ARHGEF39: variants seen among roughly 807,000 people sequenced by gnomAD.
The protein encoded by ARHGEF39 is Rho guanine nucleotide exchange factor (GEF) 39.
A neutral mutation model predicts 47.5 loss-of-function variants in ARHGEF39; 45 were observed. The ratio of observed to expected loss-of-function variants is 0.95; its 90% CI spans 0.75 to 1.22. The LOEUF is 1.22. Among genes scored for constraint, ARHGEF39 ranks in the 50% most tolerant of loss-of-function variants. The pLI, the probability that ARHGEF39 is intolerant of heterozygous loss-of-function variation, is 0.00. For missense variants in ARHGEF39, 411 were observed against 425.3 expected, an observed-to-expected ratio of 0.97 and a Z score of 0.30; for synonymous variants, 164 against 167.8, an observed-to-expected ratio of 0.98 and a Z score of 0.17.
chr9:35,662,746 G>A lies in ARHGEF39; in HGVS notation c.674-5C>T. 1 of 1,554,288 alleles carries A rather than the reference G, an allele frequency of 6.4e-7. No individual in the cohort carries two copies. The highest frequency in any genetic ancestry group is 8.7e-7 in the Non-Finnish European group (1 of 1,148,798). ...CCTGGCGTAGGAACCAGCGCCCTGG[G>A]GGATGGGAGCGCTGTTATTCTGGTG... On this transcript the variant is annotated splice_region_variant and splice_polypyrimidine_tract_variant and intron_variant, in intron 6 of 8. Transcript: ENST00000378387.
At chr9:35,663,278 G>C (rs200105093) in intron 5 of ARHGEF39, 44 bp downstream of exon 5, 5 of 1,600,788 alleles carry the variant, frequency 3.1e-6, no homozygotes, top group Non-Finnish European at 4.3e-6. Context: ...AGGAATACAG[G>C]AGAGGAAGCC....
In ARHGEF39 at chr9:35,662,693, C is replaced by G. The variant is rs1483719066; in HGVS notation, c.722G>C (p.Gly241Ala). The change falls in exon 7 of 9, where the codon GGG (glycine) becomes GCG (alanine). Residue 241 changes from glycine (G) to alanine (A), a missense_variant. Physicochemically the swap from Gly to Ala is moderately conservative, Grantham distance 60 (BLOSUM62 0). Transcript: ENST00000378387. ...GAAGAACATGCGGGGCCGAGGCTCC[C>G]CATGGGGAGGCACCACTAACAGCCA... Reference protein sequence around the residue: ...QGWLLVVPPHGEPRPRMFFLF... With the variant: ...QGWLLVVPPHAEPRPRMFFLF... The G allele has an allele frequency of 3.8e-6, 6 of 1,581,444 alleles. No individual in the cohort carries two copies. The South Asian group carries it at 6.8e-5, about 18-fold the overall frequency.
At chr9:35,662,891 A>G (rs1187305275) in intron 6 of ARHGEF39, 55 bp downstream of exon 6, 2 of 1,596,802 alleles carry the variant, frequency 1.3e-6, no homozygotes, top group African/African-American at 2.7e-5. Flanking sequence ...ATTTGGAGTT[A>G]GATAAAAATA....
At position 35,660,843 on chromosome 9, in the gene ARHGEF39, G is replaced by A. The variant is rs764380931; in HGVS notation, c.*1144C>T. On this transcript the variant is annotated 3_prime_UTR_variant, in exon 9 of 9. Coordinates refer to ENST00000378387, the MANE Select transcript of ARHGEF39 (RefSeq NM_032818.3). ...AGATAGCAAGCCGGACAAGGATATGGAGGCTTCAGAACCAGGTGAAGGCTC... is the reference window on the plus strand; with the variant it reads ...AGATAGCAAGCCGGACAAGGATATGAAGGCTTCAGAACCAGGTGAAGGCTC... The A allele has an allele frequency of 8.9e-5, 143 of 1,614,068 alleles. 1 individual carries two copies. In the South Asian group the frequency reaches 1.2e-3, roughly 13 times the overall value.
intron 1 of ARHGEF39, 90 bp from the exon 2 acceptor site, chr9:35,664,940 T>C: frequency 6.5e-7 from 1 of 1,529,680 alleles, no homozygotes; most frequent in Admixed American, 2.0e-5. Context: ...CTGCCCAGGC[T>C]CCCTACATGC....
At chr9:35,662,823 G>T (rs1341515758) in intron 6 of ARHGEF39, 82 bp from the exon 7 acceptor site, 5 of 1,524,662 alleles carry the variant, frequency 3.3e-6, no homozygotes, top group Non-Finnish European at 4.4e-6. Context: ...GAAAATAGGG[G>T]TTATGTGCTG....
intron 6 of ARHGEF39, 80 bp from the exon 7 acceptor site, chr9:35,662,821 G>A: frequency 1.3e-6 from 2 of 1,525,496 alleles, no homozygotes; most frequent in African/African-American, 2.8e-5. Context: ...GAGAAAATAG[G>A]GGTTATGTGC....
intron 4 of ARHGEF39, 46 bp from the exon 5 acceptor site, chr9:35,663,438 G>T: frequency 6.5e-7 from 1 of 1,532,654 alleles, no homozygotes; most frequent in South Asian, 1.1e-5. Flanking sequence ...GAGCCAGGCA[G>T]AATTCCCCCT....
At position 35,661,429 on chromosome 9, in the gene ARHGEF39, G is replaced by C; in HGVS notation, c.*558C>G. 1 of 455,708 alleles carries C rather than the reference G, an allele frequency of 2.2e-6. No individual in the cohort carries two copies. Among genetic ancestry groups the C allele is most frequent in the Non-Finnish European group, 3.8e-6 (1 of 259,788 alleles). 28.2% of individuals were successfully genotyped at this position (455,708 alleles called of 1,614,324 possible). ...TTCTCATAGCAAAACTGAGACAGAA[G>C]GGTCTTTCCCAAAAAAAAGAAAAAA... On this transcript the variant is annotated 3_prime_UTR_variant, in exon 9 of 9. Coordinates refer to ENST00000378387, the MANE Select transcript of ARHGEF39 (RefSeq NM_032818.3).
chr9:35,664,640 CACAGGTGA>C (rs765173721), intron 2 of ARHGEF39, 108 bp downstream of exon 2: 455 of 1,474,122 alleles, frequency 3.1e-4, no homozygotes, highest in Non-Finnish European at 4.3e-5. Context: ...GGGCCAAGGC[CACAGGTGA>C]GCTAACTGGC....
At chr9:35,663,441 T>C (rs920429254) in intron 4 of ARHGEF39, 49 bp from the exon 5 acceptor site, 9 of 1,515,798 alleles carry the variant, frequency 5.9e-6, no homozygotes, top group African/African-American at 2.7e-5. Flanking sequence ...CCAGGCAGAA[T>C]TCCCCCTGCC....
At chr9:35,663,769 C>CCCT (rs1398685949) in intron 4 of ARHGEF39, among the ~76,000 whole-genome samples, 1 of 152,208 alleles carries the variant, frequency 6.6e-6, no homozygotes, top group Non-Finnish European at 1.5e-5. Flanking sequence ...GTGCCTCAGG[C>CCCT]CCTAGTACAG....
chr9:35,662,064 C>G, intron 8 of ARHGEF39, 62 bp from the exon 9 acceptor site: 2 of 1,610,316 alleles, frequency 1.2e-6, no homozygotes, highest in Non-Finnish European at 1.7e-6. Flanking sequence ...ACAAAATCAT[C>G]TGGGGGTTGG....
At chr9:35,662,796 G>C (rs879509173) in intron 6 of ARHGEF39, 55 bp from the exon 7 acceptor site, 3 of 1,521,436 alleles carry the variant, frequency 2.0e-6, no homozygotes, top group Non-Finnish European at 2.7e-6. Context: ...ATGGGAATAA[G>C]AGGAAAGGGA....
In ARHGEF39 at chr9:35,662,855, G is replaced by A. The variant is rs1408245451; in HGVS notation, c.673+91C>T. On this transcript the variant is annotated intron_variant, in intron 6 of 8. Transcript: ENST00000378387. ...GCTGGGTCAGTACAGGAAGAAGGGT[G>A]AGTAAGAAAAGAGCAGCTGGTCGGC... is the stretch of plus-strand genomic sequence containing the variant. 1.9e-6 allele frequency: 3 copies of A among 1,565,258 alleles called. No homozygotes were observed. The East Asian group carries it at 6.9e-5, about 36-fold the overall frequency.
chr9:35,662,310 A>C (rs755282083), intron 7 of ARHGEF39, 43 bp from the exon 8 acceptor site: 1 of 1,578,704 alleles, frequency 6.3e-7, no homozygotes, highest in Non-Finnish European at 8.7e-7. Context: ...AGAAAGGTCC[A>C]GGCTAAAGCT....
Position 35,663,379 on chromosome 9 carries a change from C to A in ARHGEF39, c.487G>T (p.Val163Phe), listed in dbSNP as rs148193246. Residue 163 changes from valine to phenylalanine, a missense_variant, in exon 5 of 9, where the codon GTC becomes TTC. Physicochemically the swap from Val to Phe is conservative, Grantham distance 50 (BLOSUM62 -1). Coordinates refer to ENST00000378387, the MANE Select transcript of ARHGEF39 (RefSeq NM_032818.3). ...LQRLQQYENL[V>F]VALAENTGPN... ...CCTGTGTTTTCAGCCAAAGCTACGA[C>A]GAGATTCTCATACCTGGAATTCAAC... The A allele has an allele frequency of 6.2e-7, 1 of 1,613,534 alleles. No individual in the cohort carries two copies. The highest frequency in any genetic ancestry group is 1.1e-5 in the South Asian group (1 of 91,052).
In ARHGEF39 at chr9:35,660,947, C is replaced by A. The variant is rs764221631; in HGVS notation, c.*1040G>T. 1 of 1,614,206 alleles carries A rather than the reference C, an allele frequency of 6.2e-7. No homozygotes were observed. On this transcript the variant is annotated 3_prime_UTR_variant, in exon 9 of 9. Coordinates refer to ENST00000378387, the MANE Select transcript of ARHGEF39 (RefSeq NM_032818.3). ...TGATCTCTCCCCACACAGAGGCCAG[C>A]AGACCTCTTCCTGAGGACTTCTGTT... is the stretch of plus-strand genomic sequence containing the variant.
chr9:35,659,701 G>C lies in ARHGEF39; in HGVS notation c.*2286C>G, dbSNP rs1823791753. On this transcript the variant is annotated 3_prime_UTR_variant, in exon 9 of 9. Coordinates refer to ENST00000378387, the MANE Select transcript of ARHGEF39 (RefSeq NM_032818.3). ...TAAACCAGAAAAAACTCAGGAAAGT[G>C]GGTGAGGGTGTGACCATTGCCTTCA... 6.6e-6 allele frequency: 1 copy of C among 152,250 alleles called. No homozygotes were observed. The highest frequency in any genetic ancestry group is 2.4e-5 in the African/African-American group (1 of 41,452). 9.4% of individuals were successfully genotyped at this position (152,250 alleles called of 1,614,324 possible).
Sources: allele counts gnomAD v4.1 joint callset (sites outside exome capture counted in the v4.1 genomes callset), GRCh38; gene constraint gnomAD v4.1.1; transcripts MANE v1.5; gene names NCBI Gene and HGNC (gene_info 2026-07-23, HGNC 2026-07-21).